SHQ1: variants seen among roughly 807,000 people sequenced by gnomAD.
SHQ1 encodes SHQ1, H/ACA ribonucleoprotein assembly factor.
A neutral mutation model predicts 53.8 loss-of-function variants in SHQ1; 49 were observed. That is an observed-to-expected ratio of 0.91 (90% CI 0.72 to 1.16). SHQ1 has a LOEUF of 1.16. SHQ1 is among the 50% of genes most tolerant of loss of function. SHQ1 has a pLI of 0.00. For synonymous variants in SHQ1, 243 were observed against 251.0 expected (o/e 0.97, Z 0.30); for missense variants, 738 against 683.1 (o/e 1.08, Z -0.90).
intron 10 of SHQ1, among the ~76,000 whole-genome samples, chr3:72,788,126 C>T (rs535706975): frequency 2.0e-5 from 3 of 152,304 alleles, no homozygotes; most frequent in African/African-American, 4.8e-5. Flanking sequence ...AGCCTCTGCC[C>T]GGCCGCCACC....
intron 10 of SHQ1, among the ~76,000 whole-genome samples, chr3:72,776,287 T>A (rs970517140): frequency 1.3e-5 from 2 of 152,238 alleles, no homozygotes; most frequent in African/African-American, 4.8e-5. Context: ...AAGAGTATAA[T>A]ACTCTGATTT....
At chr3:72,762,507 G>A (rs1575677850) in intron 10 of SHQ1, among the ~76,000 whole-genome samples, 1 of 152,110 alleles carries the variant, frequency 6.6e-6, no homozygotes. Context: ...AATGTGCTTC[G>A]CTGTGATCCC....
intron 10 of SHQ1, among the ~76,000 whole-genome samples, chr3:72,753,848 A>G (rs1705442431): frequency 1.3e-5 from 2 of 152,164 alleles, no homozygotes; most frequent in South Asian, 4.2e-4. Flanking sequence ...AATGTCCACC[A>G]TATATTTTGA....
At chr3:72,821,839 A>G (rs1183272802) in intron 6 of SHQ1, among the ~76,000 whole-genome samples, 2 of 152,206 alleles carry the variant, frequency 1.3e-5, no homozygotes, top group Admixed American at 1.3e-4. Context: ...CTGGCTCAAC[A>G]CACTTCAATT....
intron 9 of SHQ1, among the ~76,000 whole-genome samples, chr3:72,799,170 A>G (rs893015545): frequency 3.9e-5 from 6 of 152,048 alleles, no homozygotes. Context: ...AAAAAATAAT[A>G]ATAATTTTAA....
intron 6 of SHQ1, among the ~76,000 whole-genome samples, chr3:72,819,313 C>T (rs542608188): frequency 6.6e-6 from 1 of 152,236 alleles, no homozygotes; most frequent in African/African-American, 2.4e-5. Context: ...CTTGTCTTGT[C>T]AAATTAAGAA....
chr3:72,757,553 C>T (rs1331441707), intron 10 of SHQ1, among the ~76,000 whole-genome samples: 1 of 152,068 alleles, frequency 6.6e-6, no homozygotes, highest in Non-Finnish European at 1.5e-5. Context: ...CTGAGCCCGG[C>T]TTCAACTTTC....
chr3:72,801,427 T>C (rs1358031753), intron 9 of SHQ1, among the ~76,000 whole-genome samples: 2 of 152,162 alleles, frequency 1.3e-5, no homozygotes, highest in Non-Finnish European at 2.9e-5. Flanking sequence ...TTGAAATTAG[T>C]TTTATTTCAA....
At chr3:72,748,062 A>G (rs1029882679), downstream of SHQ1, among the ~76,000 whole-genome samples, 1 of 151,780 alleles carries the variant, frequency 6.6e-6, no homozygotes, top group African/African-American at 2.4e-5. Flanking sequence ...TGTGAGTTCA[A>G]TCAGCCAGGC....
chr3:72,742,527 T>G, the SHQ1 span, among the ~76,000 whole-genome samples: 8 of 152,116 alleles, frequency 5.3e-5, no homozygotes, highest in Non-Finnish European at 1.2e-4. Context: ...ACTACATGTG[T>G]TTACTCATGT....
chr3:72,815,250 A>G (rs921935571), intron 8 of SHQ1, 100 bp downstream of exon 8: 8 of 971,778 alleles, frequency 8.2e-6, no homozygotes, highest in Admixed American at 3.9e-5. Flanking sequence ...TCTACTTTTA[A>G]AAATTCAAGG....
At chr3:72,841,010 C>A in intron 4 of SHQ1, 35 bp downstream of exon 4, 1 of 1,572,172 alleles carries the variant, frequency 6.4e-7, no homozygotes, top group Non-Finnish European at 8.6e-7. Context: ...ATGGAAAAAC[C>A]CTATAGATCA....
At chr3:72,773,455 T>C (rs966241555) in intron 10 of SHQ1, 16 of 358,276 alleles carry the variant, frequency 4.5e-5, no homozygotes, top group African/African-American at 3.5e-4. Flanking sequence ...GTGATCAGAG[T>C]GTTCAGAAAG....
intron 10 of SHQ1, among the ~76,000 whole-genome samples, chr3:72,777,367 A>G (rs1478079138): frequency 6.6e-6 from 1 of 152,240 alleles, no homozygotes; most frequent in East Asian, 1.9e-4. Context: ...AGGAAGTCCT[A>G]TTGAAAAACA....
chr3:72,765,427 CAT>C (rs1705699346), intron 10 of SHQ1, among the ~76,000 whole-genome samples: 1 of 124,768 alleles, frequency 8.0e-6, no homozygotes, highest in Non-Finnish European at 1.6e-5. Context: ...TTCACTGATT[CAT>C]TTTTTTTTTT....
intron 9 of SHQ1, among the ~76,000 whole-genome samples, chr3:72,811,767 T>G (rs1443369879): frequency 6.6e-6 from 1 of 152,198 alleles, no homozygotes; most frequent in Non-Finnish European, 1.5e-5. Context: ...TTCTCTTCTT[T>G]AGGCCAGTGA....
At chr3:72,789,582 T>C (rs1706372779) in intron 10 of SHQ1, among the ~76,000 whole-genome samples, 1 of 152,254 alleles carries the variant, frequency 6.6e-6, no homozygotes, top group South Asian at 2.1e-4. Context: ...TTGATTTATA[T>C]TTTTAAAGTG....
In SHQ1 at chr3:72,819,379, A is replaced by G. The variant is rs145978041; in HGVS notation, c.728-1995T>C. On this transcript the variant is annotated intron_variant, in intron 6 of 10. Transcript: ENST00000325599. ...ATCTTTCCAAAGCTACCATATCTCTACTGACTTTGTTTATGGTACCTTTTG... is the reference window on the plus strand; with the variant it reads ...ATCTTTCCAAAGCTACCATATCTCTGCTGACTTTGTTTATGGTACCTTTTG... Among the ~76,000 whole-genome samples the G allele has an allele frequency of 3.7e-3, 563 of 152,144 alleles. 2 individuals carry two copies. Among genetic ancestry groups the G allele is most frequent in the African/African-American group, 0.012 (486 of 41,494 alleles).
chr3:72,809,349 A>C (rs1195264445), intron 9 of SHQ1, among the ~76,000 whole-genome samples: 2 of 152,182 alleles, frequency 1.3e-5, no homozygotes, highest in Non-Finnish European at 2.9e-5. Context: ...AACTTTTTTA[A>C]AATCTAAAGT....
Sources: allele counts gnomAD v4.1 joint callset (sites outside exome capture counted in the v4.1 genomes callset), GRCh38; gene constraint gnomAD v4.1.1; transcripts MANE v1.5; gene names NCBI Gene and HGNC (gene_info 2026-07-23, HGNC 2026-07-21).